Variants in DHRSX observed in about 807,000 individuals in gnomAD.
DHRSX encodes dehydrogenase/reductase X-linked, also known as polyprenol dehydrogenase.
A neutral mutation model predicts 34.0 loss-of-function variants in DHRSX; 31 were observed. That is an observed-to-expected ratio of 0.91 (90% CI 0.69 to 1.23). The LOEUF is 1.23. Ranked by LOEUF, DHRSX falls within the 50% of genes most tolerant of loss-of-function variation. The pLI is 0.00. For missense variants in DHRSX, 414 were observed against 428.1 expected, an observed-to-expected ratio of 0.97 and a Z score of 0.29; for synonymous variants, 201 against 183.8, an observed-to-expected ratio of 1.09 and a Z score of -0.76.
At chrX:2,317,395 GC>G (rs1261621297) in intron 3 of DHRSX, among the ~76,000 whole-genome samples, 1 of 151,798 alleles carries the variant, frequency 6.6e-6, no homozygotes, top group Non-Finnish European at 1.5e-5. Context: ...GGGATTACAG[GC>G]ATGCAACGCC....
intron 5 of DHRSX, among the ~76,000 whole-genome samples, chrX:2,245,249 A>G (rs984773818): frequency 2.0e-5 from 3 of 151,994 alleles, no homozygotes; most frequent in African/African-American, 7.3e-5. Context: ...TCTGTGTCTC[A>G]CCTACCTGTG....
At chrX:2,290,961 G>A (rs1179976517) in intron 4 of DHRSX, among the ~76,000 whole-genome samples, 2 of 152,200 alleles carry the variant, frequency 1.3e-5, no homozygotes, top group African/African-American at 4.8e-5. Context: ...AAGGTCAACA[G>A]TAAGCGTTGC....
At chrX:2,271,171 A>AAGTCAGCG (rs1219770253) in intron 4 of DHRSX, among the ~76,000 whole-genome samples, 1 of 152,220 alleles carries the variant, frequency 6.6e-6, no homozygotes, top group Non-Finnish European at 1.5e-5. Context: ...TTCACTCCTG[A>AAGTCAGCG]AGTCAGCGAG....
chrX:2,324,079 T>C (rs1476557979), intron 3 of DHRSX, among the ~76,000 whole-genome samples: 1 of 151,308 alleles, frequency 6.6e-6, no homozygotes, highest in Non-Finnish European at 1.5e-5. Flanking sequence ...AAAAAAGATT[T>C]TGCACAAAGT....
chrX:2,307,099 G>T (rs1269919166), intron 3 of DHRSX, among the ~76,000 whole-genome samples: 1 of 151,976 alleles, frequency 6.6e-6, no homozygotes, highest in African/African-American at 2.4e-5. Context: ...AAATGTAGTT[G>T]CTGCATATAT....
At chrX:2,372,996 C>T (rs1054457511) in intron 3 of DHRSX, among the ~76,000 whole-genome samples, 36 of 152,248 alleles carry the variant, frequency 2.4e-4, no homozygotes, top group African/African-American at 7.9e-4. Context: ...GATAGACATA[C>T]CCGAGACGGG....
chrX:2,306,336 C>T (rs1476368768), intron 3 of DHRSX, among the ~76,000 whole-genome samples: 1 of 152,066 alleles, frequency 6.6e-6, no homozygotes, highest in Non-Finnish European at 1.5e-5. Context: ...TCAAGCCCTG[C>T]AGCAGGGGAA....
At chrX:2,366,204 G>A (rs1462623419) in intron 3 of DHRSX, among the ~76,000 whole-genome samples, 1 of 152,132 alleles carries the variant, frequency 6.6e-6, no homozygotes, top group African/African-American at 2.4e-5. Context: ...CACTTTGGGA[G>A]GCCGAGGCAG....
chrX:2,252,920 C>T (rs368357875), intron 5 of DHRSX, among the ~76,000 whole-genome samples: 23 of 150,814 alleles, frequency 1.5e-4, no homozygotes, highest in East Asian at 1.4e-3. Flanking sequence ...AGTGGTGGCT[C>T]GCGCATGTAA....
chrX:2,486,065 C>T (rs1263101373), intron 1 of DHRSX, among the ~76,000 whole-genome samples: 5 of 151,848 alleles, frequency 3.3e-5, no homozygotes, highest in African/African-American at 1.2e-4. Flanking sequence ...AGAGGGAAGG[C>T]GCTGATGCCA....
rs2041858071 is a variant in DHRSX, at chrX:2,290,959, C to T, written c.388+543G>A. On this transcript the variant is annotated intron_variant, in intron 4 of 6. Coordinates refer to ENST00000334651, the MANE Select transcript of DHRSX (RefSeq NM_145177.3). ...GGCCCAAAGAAGGGCTCAAGGTCAA[C>T]AGTAAGCGTTGCAATGACCTTAAGC... is the stretch of plus-strand genomic sequence containing the variant. Among the ~76,000 whole-genome samples the T allele has an allele frequency of 2.6e-5, 4 of 152,224 alleles. No individual in the cohort carries two copies. The South Asian group carries it at 6.2e-4, about 24-fold the overall frequency.
chrX:2,382,978 C>CCAT (rs202111320), intron 3 of DHRSX, among the ~76,000 whole-genome samples: 71,195 of 134,854 alleles, frequency 0.53, 17,262 homozygotes, highest in East Asian at 0.65. Context: ...ACCATCATCA[C>CCAT]CATCATCAGC....
chrX:2,305,722 CA>C (rs1412994737), intron 3 of DHRSX, among the ~76,000 whole-genome samples: 2 of 151,344 alleles, frequency 1.3e-5, no homozygotes, highest in Non-Finnish European at 2.9e-5. Context: ...CCATCATTCT[CA>C]GCAAACTAAC....
chrX:2,292,154 C>G (rs1467941441), intron 3 of DHRSX, among the ~76,000 whole-genome samples: 1 of 152,096 alleles, frequency 6.6e-6, no homozygotes, highest in Non-Finnish European at 1.5e-5. Context: ...TGTGTGGGAC[C>G]TGTCATTCTC....
chrX:2,220,501 G>T lies in DHRSX; in HGVS notation c.*540C>A, dbSNP rs1204192816. 1 of 154,600 alleles carries T rather than the reference G, an allele frequency of 6.5e-6. No homozygotes were observed. Among genetic ancestry groups the T allele is most frequent in the Non-Finnish European group, 1.4e-5 (1 of 69,626 alleles). 9.6% of individuals were successfully genotyped at this position (154,600 alleles called of 1,614,324 possible). On this transcript the variant is annotated 3_prime_UTR_variant, in exon 7 of 7. Transcript: ENST00000334651. ...ACTTGTGACTGTGCCATTCTGGAAT[G>T]AGGTTGACCAGATGGTGCTGCTGGC...
At chrX:2,500,759 A>C (rs2045407345) in intron 1 of DHRSX, 58 bp downstream of exon 1, 211 of 503,338 alleles carry the variant, frequency 4.2e-4, no homozygotes, top group Middle Eastern at 9.5e-4. Flanking sequence ...CCCGCCCCCG[A>C]GCCAGCCCGC....
At chrX:2,345,487 A>T (rs980855415) in intron 3 of DHRSX, among the ~76,000 whole-genome samples, 8 of 151,928 alleles carry the variant, frequency 5.3e-5, no homozygotes, top group African/African-American at 1.9e-4. Flanking sequence ...TACCAAAAAA[A>T]TAAAAATAAA....
chrX:2,314,124 C>T (rs62593072), intron 3 of DHRSX, among the ~76,000 whole-genome samples: 102,346 of 141,420 alleles, frequency 0.72, 37,946 homozygotes, highest in African/African-American at 0.82. Context: ...GCCTGGCTCT[C>T]AGTTGATTAT....
chrX:2,341,454 C>G (rs1461157888), intron 3 of DHRSX, among the ~76,000 whole-genome samples: 4 of 152,258 alleles, frequency 2.6e-5, no homozygotes, highest in African/African-American at 2.4e-5. Flanking sequence ...CCGCATCACT[C>G]CAGTCTCTGC....
Sources: gnomAD v4.1 joint callset for allele counts (sites outside exome capture counted in the v4.1 genomes callset) on GRCh38, gnomAD v4.1.1 for gene constraint, MANE v1.5 for transcripts, NCBI Gene and HGNC (gene_info 2026-07-23, HGNC 2026-07-21) for gene names.